Variants in BAZ1B observed in about 807,000 individuals in gnomAD.
BAZ1B encodes the protein tyrosine-protein kinase BAZ1B.
Under a neutral mutation model 153.8 loss-of-function variants are expected in BAZ1B, and 22 were observed. That is an observed-to-expected ratio of 0.14 (90% CI 0.10 to 0.20). BAZ1B has a LOEUF of 0.20. Ranked by LOEUF, BAZ1B falls within the 10% of genes least tolerant of loss-of-function variation. BAZ1B has a pLI of 1.00. For synonymous variants in BAZ1B, 676 were observed against 633.4 expected (o/e 1.07, Z -1.01); for missense variants, 1,325 against 1,799.3 (o/e 0.74, Z 4.77).
At chr7:73,481,504 G>A (rs1191156424) in intron 6 of BAZ1B, among the ~76,000 whole-genome samples, 4 of 139,910 alleles carry the variant, frequency 2.9e-5, no homozygotes, top group South Asian at 2.3e-4. Flanking sequence ...GGAACAGAGC[G>A]AGACTCCATC....
chr7:73,502,294 T>C (rs1790165072), intron 3 of BAZ1B, among the ~76,000 whole-genome samples: 1 of 152,160 alleles, frequency 6.6e-6, no homozygotes, highest in Non-Finnish European at 1.5e-5. Flanking sequence ...AATAAATATC[T>C]GGGATAAACC....
At chr7:73,471,672 G>A (rs1554572015) in intron 7 of BAZ1B, among the ~76,000 whole-genome samples, 1 of 152,070 alleles carries the variant, frequency 6.6e-6, no homozygotes, top group Non-Finnish European at 1.5e-5. Context: ...AACCCTGATT[G>A]TCTATTGACA....
At chr7:73,445,261 A>T (rs1787788665) in intron 16 of BAZ1B, among the ~76,000 whole-genome samples, 1 of 152,106 alleles carries the variant, frequency 6.6e-6, no homozygotes, top group African/African-American at 2.4e-5. Context: ...TTTCCATTCT[A>T]TTTCTGGATC....
At chr7:73,448,214 G>T (rs1420302225) in intron 15 of BAZ1B, among the ~76,000 whole-genome samples, 1 of 152,174 alleles carries the variant, frequency 6.6e-6, no homozygotes, top group Non-Finnish European at 1.5e-5. Flanking sequence ...TGAGGCAGCA[G>T]AATCGCTTGA....
intron 6 of BAZ1B, among the ~76,000 whole-genome samples, chr7:73,479,117 C>T (rs1187504483): frequency 1.3e-5 from 2 of 148,834 alleles, no homozygotes; most frequent in Non-Finnish European, 2.9e-5. Flanking sequence ...CTTATAGAAG[C>T]ATCAGTGAGT....
At chr7:73,482,246 C>T (rs1563383792) in intron 6 of BAZ1B, among the ~76,000 whole-genome samples, 1 of 152,064 alleles carries the variant, frequency 6.6e-6, no homozygotes, top group Non-Finnish European at 1.5e-5. Context: ...AAGAATAAGC[C>T]AAGATAACTT....
At chr7:73,492,159 A>AT (rs1267887804) in intron 5 of BAZ1B, among the ~76,000 whole-genome samples, 12 of 140,868 alleles carry the variant, frequency 8.5e-5, no homozygotes, top group East Asian at 2.1e-4. Flanking sequence ...CACCTGGCAA[A>AT]TTTTTTTTTG....
intron 16 of BAZ1B, 144 bp downstream of exon 16, chr7:73,447,120 G>T: frequency 6.8e-7 from 1 of 1,461,172 alleles, no homozygotes; most frequent in East Asian, 2.3e-5. Context: ...TAAACCCATG[G>T]CAGCTAAGTT....
intron 3 of BAZ1B, among the ~76,000 whole-genome samples, chr7:73,506,520 T>A (rs1477875670): frequency 1.4e-5 from 2 of 141,288 alleles, no homozygotes; most frequent in African/African-American, 2.6e-5. Context: ...AAAATTTAAG[T>A]AGAAAAAGTC....
At chr7:73,504,357 TA>T (rs1790248548) in intron 3 of BAZ1B, among the ~76,000 whole-genome samples, 1 of 151,894 alleles carries the variant, frequency 6.6e-6, no homozygotes. Flanking sequence ...TGTTTCTCTA[TA>T]AAAAATAAAA....
intron 10 of BAZ1B, 51 bp from the exon 11 acceptor site, chr7:73,465,588 A>C: frequency 2.4e-6 from 3 of 1,250,118 alleles, no homozygotes; most frequent in Non-Finnish European, 3.4e-6. Context: ...AAAAAATTCA[A>C]AATCAAACAC....
chr7:73,504,676 A>T (rs1790264666), intron 3 of BAZ1B, among the ~76,000 whole-genome samples: 1 of 151,940 alleles, frequency 6.6e-6, no homozygotes, highest in South Asian at 2.1e-4. Flanking sequence ...AAGAAAAAAA[A>T]ACTTAGCTAG....
chr7:73,510,591 C>T, intron 2 of BAZ1B, 145 bp downstream of exon 2: 1 of 773,292 alleles, frequency 1.3e-6, no homozygotes, highest in African/African-American at 1.7e-5. Flanking sequence ...GGCAAAGGAA[C>T]CCAGAAACCC....
intron 3 of BAZ1B, among the ~76,000 whole-genome samples, chr7:73,504,214 G>T (rs1452195912): frequency 6.6e-6 from 1 of 152,110 alleles, no homozygotes; most frequent in Admixed American, 6.6e-5. Flanking sequence ...CTGATATAAA[G>T]TATGTGATTA....
At chr7:73,446,760 C>T (rs1787852826) in intron 16 of BAZ1B, among the ~76,000 whole-genome samples, 1 of 152,152 alleles carries the variant, frequency 6.6e-6, no homozygotes, top group African/African-American at 2.4e-5. Context: ...TTCCTAACAT[C>T]CTTCCACCTA....
At chr7:73,464,557 T>C (rs1788508845) in intron 11 of BAZ1B, among the ~76,000 whole-genome samples, 1 of 152,216 alleles carries the variant, frequency 6.6e-6, no homozygotes, top group South Asian at 2.1e-4. Flanking sequence ...TTGCCTATTC[T>C]AAGATGTTTC....
chr7:73,462,276 G>A (rs73702534), intron 12 of BAZ1B, among the ~76,000 whole-genome samples: 104 of 152,264 alleles, frequency 6.8e-4, no homozygotes, highest in African/African-American at 2.1e-3. Context: ...AGTGCATGAG[G>A]AATTTGAAAA....
rs1563402885 is a variant in BAZ1B at position 73,510,767 on chromosome 7, C to T, written c.193G>A (p.Ala65Thr). The T allele has an allele frequency of 6.2e-7, 1 of 1,614,166 alleles. No individual in the cohort carries two copies. The highest frequency in any genetic ancestry group is 8.5e-7 in the Non-Finnish European group (1 of 1,180,010). Residue 65 changes from alanine (A) to threonine (T), a missense_variant, in exon 2 of 20, where the codon GCC becomes ACC. By Grantham distance (58) the Ala-to-Thr change is moderately conservative. Coordinates refer to ENST00000339594, the MANE Select transcript of BAZ1B (RefSeq NM_032408.4). ...TGSSQLTHKE[A>T]WEEEQEVAEL... ...GCAACTTCCTGTTCTTCCTCCCAGG[C>T]TTCCTTGTGTGTTAGCTGACTGCTT...
chr7:73,522,205 CACG>C lies in BAZ1B; in HGVS notation c.-275_-273del, dbSNP rs1791091184. ...GCTTCGGGTCCCGGCGGCCGGCAGT[CACG>C]ACTCCTCCTCAGCAGCACCGGAGGA... On this transcript the variant is annotated 5_prime_UTR_variant, in exon 1 of 20. Coordinates refer to ENST00000339594, the MANE Select transcript of BAZ1B (RefSeq NM_032408.4). 2.6e-6 allele frequency: 1 copy of C among 391,208 alleles called. No individual in the cohort carries two copies. The highest frequency in any genetic ancestry group is 3.6e-5 in the East Asian group (1 of 27,520). 24.2% of individuals were successfully genotyped at this position (391,208 alleles called of 1,614,324 possible). A position where few individuals can be genotyped will look rare whatever the true frequency, so the allele number is the denominator to read the frequency against.
Sources: allele counts gnomAD v4.1 joint callset (sites outside exome capture counted in the v4.1 genomes callset), GRCh38; gene constraint gnomAD v4.1.1; transcripts MANE v1.5; gene names NCBI Gene and HGNC (gene_info 2026-07-23, HGNC 2026-07-21).